Variants in CCDC57 observed in about 807,000 individuals in gnomAD.
CCDC57 encodes coiled-coil domain containing 57.
Under a neutral mutation model 118.9 loss-of-function variants are expected in CCDC57, and 118 were observed. That is an observed-to-expected ratio of 0.99 (90% CI 0.86 to 1.16). CCDC57 has a LOEUF of 1.16. Among genes scored for constraint, CCDC57 ranks in the 50% most tolerant of loss-of-function variants. The probability of loss-of-function intolerance (pLI) is 0.00; values close to 1 mark genes in which losing one functional copy is unlikely to be tolerated. For missense variants in CCDC57, 1,300 were observed against 1,320.7 expected (o/e 0.98, Z 0.24); for synonymous variants, 527 against 532.9 (o/e 0.99, Z 0.15).
chr17:82,201,442 G>C, intron 3 of CCDC57, 96 bp downstream of exon 2: 1 of 1,381,628 alleles, frequency 7.2e-7, no homozygotes, highest in Non-Finnish European at 9.6e-7. Flanking sequence ...GAGGGGCAGT[G>C]AGAGTGGGCA....
intron 16 of CCDC57, among the ~76,000 whole-genome samples, chr17:82,139,786 G>T (rs962979658): frequency 6.6e-6 from 1 of 152,142 alleles, no homozygotes; most frequent in African/African-American, 2.4e-5. Flanking sequence ...TTCTGATGGC[G>T]GCATTTAGAT....
At chr17:82,102,748 G>A (rs748998207) in intron 19 of CCDC57, among the ~76,000 whole-genome samples, 1 of 152,064 alleles carries the variant, frequency 6.6e-6, no homozygotes, top group Non-Finnish European at 1.5e-5. Flanking sequence ...AGCCGGGCAC[G>A]GTGGCGGGCA....
chr17:82,108,654 A>G (rs1056364591), intron 19 of CCDC57: 3 of 152,266 alleles, frequency 2.0e-5, no homozygotes, highest in African/African-American at 7.2e-5. Flanking sequence ...GTCACAGAGC[A>G]AACACCTCAG....
chr17:82,193,838 G>T lies in CCDC57; in HGVS notation c.777-8C>A, dbSNP rs1412901551. ...TCCTCTAAATCCTTTACCCTGAAAAGAAACAAATATTTATGGAAGGAGCAA... is the reference window on the plus strand; with the variant it reads ...TCCTCTAAATCCTTTACCCTGAAAATAAACAAATATTTATGGAAGGAGCAA... On this transcript the variant is annotated splice_polypyrimidine_tract_variant and splice_region_variant and intron_variant, in intron 6 of 19. Transcript: ENST00000665763. The T allele has an allele frequency of 6.3e-7, 1 of 1,588,272 alleles. No homozygotes were observed. The highest frequency in any genetic ancestry group is 8.6e-7 in the Non-Finnish European group (1 of 1,166,100).
intron 19 of CCDC57, among the ~76,000 whole-genome samples, chr17:82,109,892 C>T (rs2035126863): frequency 6.7e-6 from 1 of 149,952 alleles, no homozygotes; most frequent in Non-Finnish European, 1.5e-5. Context: ...AAAGATCCAA[C>T]AATAAAAGAT....
At chr17:82,171,848 C>G in exon 13 of CCDC57, 1 of 1,611,350 alleles carries the variant, frequency 6.2e-7, no homozygotes, top group Non-Finnish European at 8.5e-7. Flanking sequence ...AGGGCCAGAA[C>G]ATAATCTGCC....
Position 82,207,200 on chromosome 17 carries a change from G to A in CCDC57, c.-9+647C>T, listed in dbSNP as rs184560455. ...TACCAAAAATACAAAAATTAACTGG[G>A]GCGTCGCTTGTAGTCTCAGCTACCA... On this transcript the variant is annotated intron_variant, in intron 2 of 19. Transcript: ENST00000665763. Among the ~76,000 whole-genome samples the A allele has an allele frequency of 9.9e-3, 1,510 of 152,186 alleles. 18 individuals carry two copies. Among genetic ancestry groups the A allele is most frequent in the African/African-American group, 0.035 (1,451 of 41,514 alleles).
chr17:82,202,460 A>C (rs1197870983), intron 2 of CCDC57, among the ~76,000 whole-genome samples: 2 of 144,544 alleles, frequency 1.4e-5, no homozygotes, highest in Non-Finnish European at 1.5e-5. Context: ...AAATAAACAA[A>C]AAAAAAAGGC....
intron 7 of CCDC57, among the ~76,000 whole-genome samples, chr17:82,191,139 G>T (rs996246187): frequency 5.9e-5 from 9 of 151,630 alleles, no homozygotes; most frequent in Non-Finnish European, 1.3e-4. Flanking sequence ...AAAAAAAAAG[G>T]TCAGGGTGCG....
intron 3 of CCDC57, among the ~76,000 whole-genome samples, chr17:82,199,791 G>A (rs1490367919): frequency 6.6e-6 from 1 of 152,150 alleles, no homozygotes; most frequent in African/African-American, 2.4e-5. Context: ...TCCACTCAGG[G>A]AGAAGCTGAC....
chr17:82,181,215 C>T (rs2046170539), intron 9 of CCDC57, among the ~76,000 whole-genome samples: 1 of 152,244 alleles, frequency 6.6e-6, no homozygotes. Context: ...ACAGGAGAAG[C>T]CAACACCGGC....
chr17:82,128,452 A>G (rs967518069), intron 18 of CCDC57, 41 bp downstream of exon 17: 8 of 1,430,558 alleles, frequency 5.6e-6, no homozygotes, highest in Non-Finnish European at 7.6e-6. Context: ...TGCTGGCCAC[A>G]CCCCACACAG....
At chr17:82,201,229 T>C (rs1180660298) in intron 3 of CCDC57, among the ~76,000 whole-genome samples, 1 of 152,274 alleles carries the variant, frequency 6.6e-6, no homozygotes, top group Non-Finnish European at 1.5e-5. Context: ...TATGTATTAA[T>C]ATAGATTTAT....
At chr17:82,134,112 G>T in exon 17 of CCDC57, 1 of 1,420,800 alleles carries the variant, frequency 7.0e-7, no homozygotes, top group South Asian at 1.6e-5. Flanking sequence ...CCAAAGGTGG[G>T]CTGCGATCCA....
chr17:82,210,133 GATAATGT>G (rs1045452489), intron 1 of CCDC57, among the ~76,000 whole-genome samples: 1 of 152,026 alleles, frequency 6.6e-6, no homozygotes, highest in Non-Finnish European at 1.5e-5. Flanking sequence ...CCTCAATCTG[GATAATGT>G]GAGCAACAAA....
intron 17 of CCDC57, among the ~76,000 whole-genome samples, chr17:82,129,162 G>A (rs897639066): frequency 5.3e-5 from 8 of 152,050 alleles, no homozygotes; most frequent in African/African-American, 1.7e-4. Flanking sequence ...CAGGTGATCC[G>A]CCTGCCTTGG....
At chr17:82,103,594 C>A (rs2034623790) in intron 19 of CCDC57, among the ~76,000 whole-genome samples, 1 of 152,248 alleles carries the variant, frequency 6.6e-6, no homozygotes, top group Non-Finnish European at 1.5e-5. Flanking sequence ...GAGGCATCTC[C>A]TCAAACCCAG....
intron 7 of CCDC57, among the ~76,000 whole-genome samples, chr17:82,191,918 T>C (rs1220851225): frequency 6.6e-6 from 1 of 151,960 alleles, no homozygotes; most frequent in African/African-American, 2.4e-5. Context: ...TCCACCTGCC[T>C]CGGCCTCCCA....
At chr17:82,195,630 A>T (rs1222632130) in intron 4 of CCDC57, among the ~76,000 whole-genome samples, 18 of 152,182 alleles carry the variant, frequency 1.2e-4, no homozygotes, top group African/African-American at 4.3e-4. Flanking sequence ...AAAAAAAAGA[A>T]AAGAAAAAGA....
Sources: gnomAD v4.1 joint callset for allele counts (sites outside exome capture counted in the v4.1 genomes callset) on GRCh38, gnomAD v4.1.1 for gene constraint, MANE v1.5 for transcripts, NCBI Gene and HGNC (gene_info 2026-07-23, HGNC 2026-07-21) for gene names.